Variants in SOBP observed in about 807,000 individuals in gnomAD.
The protein encoded by SOBP is sine oculis-binding protein homolog.
Under a neutral mutation model 53.6 loss-of-function variants are expected in SOBP, and 4 were observed. The ratio of observed to expected loss-of-function variants is 0.07; its 90% CI spans 0.04 to 0.17. SOBP has a LOEUF of 0.17. Ranked by LOEUF, SOBP falls within the 10% of genes least tolerant of loss-of-function variation. The pLI is 1.00. For missense variants in SOBP, 1,088 were observed against 1,204.7 expected (o/e 0.90, Z 1.43); for synonymous variants, 584 against 522.6 (o/e 1.12, Z -1.60).
rs563632086 is a variant in SOBP, at chr6:107,631,651, C to G, written c.670-1863C>G. ...TCAGGAGGAACATGAAACACTATAG[C>G]GAAACACAGGAGTATATTAGCACTG... On this transcript the variant is annotated intron_variant, in intron 5 of 6. Coordinates refer to ENST00000317357, the MANE Select transcript of SOBP (RefSeq NM_018013.4). Among the ~76,000 whole-genome samples, 3 of 152,214 alleles carry G rather than the reference C, an allele frequency of 2.0e-5. No individual in the cohort carries two copies. In the South Asian group the frequency reaches 6.2e-4, roughly 32 times the overall value.
chr6:107,536,740 C>T (rs1372750708), intron 4 of SOBP, among the ~76,000 whole-genome samples: 1 of 152,176 alleles, frequency 6.6e-6, no homozygotes, highest in Non-Finnish European at 1.5e-5. Flanking sequence ...AATACTTCTA[C>T]TCAACACTGC....
At chr6:107,616,331 G>A (rs939681886) in intron 5 of SOBP, among the ~76,000 whole-genome samples, 1 of 152,174 alleles carries the variant, frequency 6.6e-6, no homozygotes, top group Admixed American at 6.5e-5. Flanking sequence ...TGGTATGCAC[G>A]GACCCAGGCT....
chr6:107,643,851 T>C (rs1771439084), intron 6 of SOBP, among the ~76,000 whole-genome samples: 1 of 152,272 alleles, frequency 6.6e-6, no homozygotes, highest in Non-Finnish European at 1.5e-5. Flanking sequence ...TTCTTCTTGC[T>C]TTTCTGGTTT....
chr6:107,570,615 A>G (rs1785047171), intron 4 of SOBP, among the ~76,000 whole-genome samples: 1 of 152,224 alleles, frequency 6.6e-6, no homozygotes, highest in South Asian at 2.1e-4. Flanking sequence ...GCCCCGCTTT[A>G]TGGATGGGAA....
rs1224281017 is a variant in SOBP, at chr6:107,528,042, A to G, written c.422-5417A>G. On this transcript the variant is annotated intron_variant, in intron 3 of 6. Coordinates refer to ENST00000317357, the MANE Select transcript of SOBP (RefSeq NM_018013.4). ...CTAAGTAATATGTCCCAACTCTCCC[A>G]TCTTTGCCTCTCTACCTTTCTCATT... 2.0e-5 allele frequency among the ~76,000 whole-genome samples: 3 copies of G among 152,056 alleles called. No homozygotes were observed. The East Asian group carries it at 5.8e-4, about 29-fold the overall frequency.
At chr6:107,554,217 T>A (rs529399140) in intron 4 of SOBP, among the ~76,000 whole-genome samples, 10 of 152,362 alleles carry the variant, frequency 6.6e-5, no homozygotes, top group Admixed American at 6.5e-4. Flanking sequence ...ATGATGCTCC[T>A]TCCAGGATGT....
At chr6:107,598,043 AT>A (rs144393378) in intron 5 of SOBP, among the ~76,000 whole-genome samples, 5,066 of 152,288 alleles carry the variant, frequency 0.033, 133 homozygotes, top group Middle Eastern at 0.051. Flanking sequence ...ATCGACATGC[AT>A]TTATTAGGTA....
At chr6:107,648,325 C>G (rs1424469814) in intron 6 of SOBP, among the ~76,000 whole-genome samples, 3 of 152,002 alleles carry the variant, frequency 2.0e-5, no homozygotes, top group Admixed American at 6.6e-5. Flanking sequence ...GGACAAGGAC[C>G]CTGTCCTTTC....
chr6:107,575,558 G>A (rs1176232926), intron 4 of SOBP, among the ~76,000 whole-genome samples: 1 of 152,086 alleles, frequency 6.6e-6, no homozygotes, highest in African/African-American at 2.4e-5. Context: ...CAGTGAGGGA[G>A]GGAATGGAAC....
Position 107,635,308 on chromosome 6 carries a change from C to T in SOBP, c.2464C>T (p.Pro822Ser), listed in dbSNP as rs1477235542. Reference sequence around the variant, plus strand: ...CCATGCCTATGCTCTGCGGATGCTGCCCAAGACCGGCTGCGTGATCCAGCC... The same window carrying T: ...CCATGCCTATGCTCTGCGGATGCTGTCCAAGACCGGCTGCGTGATCCAGCC... ...EDHAYALRML[P>S]KTGCVIQPVP... is the part of the protein sequence containing the mutation. The change falls in exon 6 of 7, where the codon CCC (proline) becomes TCC (serine). Residue 822 changes from proline (P) to serine (S), a missense_variant. This residue lies in a region of SOBP where 665 missense variants were observed against 629.7 expected (regional missense o/e 1.06). Transcript: ENST00000317357. The surrounding 1 kb of genome is among the most constrained non-coding windows in gnomAD (Gnocchi z 4.5). 1 of 1,613,828 alleles carries T rather than the reference C, an allele frequency of 6.2e-7. No individual in the cohort carries two copies. Among genetic ancestry groups the T allele is most frequent in the Non-Finnish European group, 8.5e-7 (1 of 1,180,016 alleles).
chr6:107,633,446 A>T, intron 5 of SOBP, 68 bp from the exon 6 acceptor site: 1 of 1,598,562 alleles, frequency 6.3e-7, no homozygotes, highest in Non-Finnish European at 8.6e-7. Flanking sequence ...TATGTGAAAC[A>T]CGAAACGTCA....
intron 1 of SOBP, among the ~76,000 whole-genome samples, chr6:107,495,573 C>T (rs1248560515): frequency 6.6e-6 from 1 of 152,128 alleles, no homozygotes; most frequent in Non-Finnish European, 1.5e-5. Flanking sequence ...TTCTGCGTTT[C>T]CTGCCTCTGT....
intron 4 of SOBP, among the ~76,000 whole-genome samples, chr6:107,583,904 A>G (rs1785485303): frequency 6.6e-6 from 1 of 152,238 alleles, no homozygotes; most frequent in African/African-American, 2.4e-5. Context: ...AATTCAAAAC[A>G]TGAAATGCTC....
At chr6:107,642,826 A>G (rs1366181691) in intron 6 of SOBP, among the ~76,000 whole-genome samples, 1 of 152,252 alleles carries the variant, frequency 6.6e-6, no homozygotes, top group Non-Finnish European at 1.5e-5. Flanking sequence ...GAAACGCTTC[A>G]TGAATTCATT....
At chr6:107,616,946 G>A (rs910863399) in intron 5 of SOBP, among the ~76,000 whole-genome samples, 3 of 152,238 alleles carry the variant, frequency 2.0e-5, no homozygotes, top group South Asian at 2.1e-4. Context: ...TCAGGGTGCC[G>A]TGTGTTTGTG....
At chr6:107,650,242 G>T (rs544277016) in intron 6 of SOBP, among the ~76,000 whole-genome samples, 1 of 152,166 alleles carries the variant, frequency 6.6e-6, no homozygotes, top group Non-Finnish European at 1.5e-5. Flanking sequence ...ATGAAGCTGC[G>T]ATTCAGACCA....
chr6:107,581,085 G>C (rs1785387586), intron 4 of SOBP, among the ~76,000 whole-genome samples: 2 of 152,246 alleles, frequency 1.3e-5, no homozygotes, highest in African/African-American at 4.8e-5. Context: ...CTGGACATTT[G>C]AAGCTGGTCA....
intron 5 of SOBP, among the ~76,000 whole-genome samples, chr6:107,609,758 A>G (rs1376385527): frequency 6.6e-6 from 1 of 152,068 alleles, no homozygotes; most frequent in Non-Finnish European, 1.5e-5. Context: ...AGGCCTGCTG[A>G]CAAAGCCCTA....
chr6:107,533,271 CAAAAAAAAAAAAAAA>C (rs762864049), intron 3 of SOBP, among the ~76,000 whole-genome samples, 173 bp from the exon 4 acceptor site: 2 of 32,812 alleles, frequency 6.1e-5, no homozygotes, highest in East Asian at 8.0e-4. Flanking sequence ...ACTTAGGAGC[CAAAAAAAAAAAAAAA>C]AAAAAAAAAA....
Sources: gnomAD v4.1 joint callset for allele counts (sites outside exome capture counted in the v4.1 genomes callset) on GRCh38, gnomAD v4.1.1 for gene constraint, gnomAD v4.1.1 regional missense constraint, Gnocchi (gnomAD v3.1) non-coding constraint, MANE v1.5 for transcripts, NCBI Gene and HGNC (gene_info 2026-07-23, HGNC 2026-07-21) for gene names.